The following SP110 variants were observed in gnomAD, a reference collection of about 807,000 sequenced individuals.
The protein encoded by SP110 is SP110 nuclear body protein, also known as interferon-induced protein 41, 30kD.
A neutral mutation model predicts 92.7 loss-of-function variants in SP110; 62 were observed. That is an observed-to-expected ratio of 0.67 (90% CI 0.55 to 0.83). The LOEUF is 0.83. Among genes scored for constraint, SP110 ranks in the 40% least tolerant of loss-of-function variants. The pLI is 0.00. For synonymous variants in SP110, 273 were observed against 305.3 expected (o/e 0.89, Z 1.10); for missense variants, 793 against 863.9 (o/e 0.92, Z 1.03).
intron 10 of SP110, among the ~76,000 whole-genome samples, chr2:230,194,796 G>A (rs1418359003): frequency 6.6e-6 from 1 of 152,180 alleles, no homozygotes; most frequent in Non-Finnish European, 1.5e-5. Flanking sequence ...AAAATTGTCT[G>A]ATGCCTCATG....
At chr2:230,184,293 A>T (rs917426245) in intron 11 of SP110, among the ~76,000 whole-genome samples, 14 of 152,222 alleles carry the variant, frequency 9.2e-5, no homozygotes, top group Non-Finnish European at 1.2e-4. Flanking sequence ...TGGCCTTATA[A>T]ATATCACATA....
At chr2:230,189,839 C>T (rs2042529199) in intron 10 of SP110, among the ~76,000 whole-genome samples, 1 of 152,158 alleles carries the variant, frequency 6.6e-6, no homozygotes, top group Admixed American at 6.6e-5. Context: ...TGATGGGTTC[C>T]AGCTTCATCC....
Position 230,211,616 on chromosome 2 carries a change from A to C in SP110, c.668-63T>G. 1.0e-6 allele frequency: 1 copy of C among 971,626 alleles called. No homozygotes were observed. The highest frequency in any genetic ancestry group is 1.3e-5 in the South Asian group (1 of 78,096). 60.2% of individuals were successfully genotyped at this position (971,626 alleles called of 1,614,324 possible). Reference sequence around the variant, plus strand: ...AGCAAGCAGGGACCAGAATGAGGAGAAAAGAGAATGCTCTATTCCAACAAG... The same window carrying C: ...AGCAAGCAGGGACCAGAATGAGGAGCAAAGAGAATGCTCTATTCCAACAAG... On this transcript the variant is annotated intron_variant, in intron 5 of 18. Coordinates refer to ENST00000258381, the MANE Select transcript of SP110 (RefSeq NM_080424.4). The surrounding 1 kb of genome is among the most constrained non-coding windows in gnomAD (Gnocchi z 4.2).
At chr2:230,219,108 C>A (rs2045558305) in intron 1 of SP110, among the ~76,000 whole-genome samples, 1 of 152,106 alleles carries the variant, frequency 6.6e-6, no homozygotes, top group Non-Finnish European at 1.5e-5. Context: ...ATCTGTAGTC[C>A]CAGTTACTCA....
intron 18 of SP110, among the ~76,000 whole-genome samples, chr2:230,170,173 T>A (rs1363186297): frequency 6.6e-6 from 1 of 152,206 alleles, no homozygotes; most frequent in South Asian, 2.1e-4. Flanking sequence ...CAATTCCAGA[T>A]GTTTGAGTCC....
At chr2:230,209,800 G>C (rs1475557758) in intron 7 of SP110, 131 bp downstream of exon 7, 1 of 722,976 alleles carries the variant, frequency 1.4e-6, no homozygotes, top group East Asian at 2.5e-5. Flanking sequence ...AATGGAAACT[G>C]CAGAAACGAA....
rs562782000 is a variant in SP110 at position 230,165,343 on chromosome 2, C to A, written c.*3781G>T. ...CACTTCAGTTGACTGAAAGGCAGAG[C>A]AAAAAGGAAGTATGGAGAAGTCGTG... On this transcript the variant is annotated 3_prime_UTR_variant, in exon 19 of 19. Coordinates refer to ENST00000258381, the MANE Select transcript of SP110 (RefSeq NM_080424.4). Among the ~76,000 whole-genome samples, 1 of 152,170 alleles carries A rather than the reference C, an allele frequency of 6.6e-6. No homozygotes were observed. The highest frequency in any genetic ancestry group is 6.5e-5 in the Admixed American group (1 of 15,296).
chr2:230,195,518 C>T (rs775073055), intron 10 of SP110, among the ~76,000 whole-genome samples: 5 of 151,982 alleles, frequency 3.3e-5, no homozygotes, highest in Admixed American at 6.6e-5. Flanking sequence ...TTAGTAGAGA[C>T]GGGGTTTCAC....
chr2:230,224,676 T>C (rs2046120297), upstream of SP110, among the ~76,000 whole-genome samples: 2 of 152,196 alleles, frequency 1.3e-5, no homozygotes, highest in Admixed American at 1.3e-4. Flanking sequence ...TTTTGCAAAC[T>C]TATGTATGCA....
chr2:230,180,994 A>G (rs1463759631), intron 12 of SP110, among the ~76,000 whole-genome samples: 2 of 152,218 alleles, frequency 1.3e-5, no homozygotes, highest in Non-Finnish European at 1.5e-5. Context: ...ATGGTAATTA[A>G]ATGGCAAAAT....
intron 10 of SP110, 27 bp downstream of exon 10, chr2:230,200,858 C>A (rs748015488): frequency 2.1e-5 from 33 of 1,541,048 alleles, no homozygotes; most frequent in Non-Finnish European, 1.8e-6. Context: ...TGACTGTACT[C>A]TGAGACCAGC....
At chr2:230,174,882 G>A (rs10165685) in intron 14 of SP110, among the ~76,000 whole-genome samples, 21,930 of 152,262 alleles carry the variant, frequency 0.14, 1,683 homozygotes, top group African/African-American at 0.16. Context: ...ATTCTCAGTC[G>A]GGTAAACCTT....
intron 4 of SP110, 74 bp downstream of exon 4, chr2:230,212,687 T>A: frequency 6.4e-7 from 1 of 1,568,262 alleles, no homozygotes; most frequent in Non-Finnish European, 8.8e-7. Flanking sequence ...GTCAAGATGC[T>A]GGGATTGGCG....
At chr2:230,197,750 C>A (rs551210763) in intron 10 of SP110, among the ~76,000 whole-genome samples, 43 of 151,926 alleles carry the variant, frequency 2.8e-4, no homozygotes, top group African/African-American at 7.2e-4. Context: ...CCAGTTTCAG[C>A]TTTCTACATA....
At position 230,166,218 on chromosome 2, in the gene SP110, A is replaced by G. The variant is rs2078309521; in HGVS notation, c.*2906T>C. Reference sequence around the variant, plus strand: ...ACCACCTATATTACTTTTAACCACAAATGAAATAGATGACTTCTTAGAAAA... The same window carrying G: ...ACCACCTATATTACTTTTAACCACAGATGAAATAGATGACTTCTTAGAAAA... On this transcript the variant is annotated 3_prime_UTR_variant, in exon 19 of 19. Coordinates refer to ENST00000258381, the MANE Select transcript of SP110 (RefSeq NM_080424.4). 6.6e-6 allele frequency among the ~76,000 whole-genome samples: 1 copy of G among 152,160 alleles called. No individual in the cohort carries two copies. The highest frequency in any genetic ancestry group is 1.5e-5 in the Non-Finnish European group (1 of 68,026).
chr2:230,175,370 T>C (rs1219129294), intron 14 of SP110, among the ~76,000 whole-genome samples: 1 of 145,224 alleles, frequency 6.9e-6, no homozygotes, highest in East Asian at 2.0e-4. Flanking sequence ...AGGTCTAATA[T>C]TCTATAAGAA....
At chr2:230,175,854 A>C (rs1313127428) in intron 14 of SP110, among the ~76,000 whole-genome samples, 1 of 152,144 alleles carries the variant, frequency 6.6e-6, no homozygotes, top group African/African-American at 2.4e-5. Context: ...AGCAATACTC[A>C]GTATGCAATC....
chr2:230,198,096 G>T (rs1197051808), intron 10 of SP110, among the ~76,000 whole-genome samples: 2 of 145,730 alleles, frequency 1.4e-5, no homozygotes, highest in Admixed American at 1.3e-4. Flanking sequence ...GAAGTTCTCT[G>T]TAGGACAATA....
At chr2:230,193,573 T>G (rs1041649268) in intron 10 of SP110, among the ~76,000 whole-genome samples, 12 of 152,194 alleles carry the variant, frequency 7.9e-5, no homozygotes, top group African/African-American at 2.9e-4. Context: ...CCCTCAGCAT[T>G]TGTTTGTCTA....
Sources: gnomAD v4.1 joint callset for allele counts (sites outside exome capture counted in the v4.1 genomes callset) on GRCh38, gnomAD v4.1.1 for gene constraint, Gnocchi (gnomAD v3.1) non-coding constraint, MANE v1.5 for transcripts, NCBI Gene and HGNC (gene_info 2026-07-23, HGNC 2026-07-21) for gene names.